The following EYS variants were observed in gnomAD, a reference collection of about 807,000 sequenced individuals.
EYS encodes EGF-like photoreceptor maintenance factor.
Under a neutral mutation model 282.1 loss-of-function variants are expected in EYS, and 250 were observed. That is an observed-to-expected ratio of 0.89 (90% confidence interval 0.80 to 0.98). The LOEUF (loss-of-function observed/expected upper bound fraction) is 0.98, where lower values mean the gene tolerates loss of function less well. Ranked by LOEUF, EYS falls within the 50% of genes least tolerant of loss-of-function variation. The pLI is 0.00. For synonymous variants in EYS, 1,355 were observed against 1,282.9 expected (o/e 1.06, Z -1.20); for missense variants, 4,016 against 3,709.0 (o/e 1.08, Z -2.15).
chr6:64,501,720 G>A (rs528002595), intron 26 of EYS, among the ~76,000 whole-genome samples: 1 of 152,268 alleles, frequency 6.6e-6, no homozygotes, highest in South Asian at 2.1e-4. Context: ...AGTCACTAAT[G>A]AGAAGATTAT....
chr6:64,026,755 G>A (rs1769535566), intron 33 of EYS, among the ~76,000 whole-genome samples: 1 of 152,056 alleles, frequency 6.6e-6, no homozygotes. Context: ...TGCCCAGAAG[G>A]AAATAAGCAA....
At chr6:63,866,263 G>T (rs148098465) in intron 35 of EYS, among the ~76,000 whole-genome samples, 2,433 of 152,288 alleles carry the variant, frequency 0.016, 50 homozygotes, top group South Asian at 0.093. Context: ...GAAACTTAAT[G>T]TTGTTTGGGG....
chr6:64,823,205 T>C (rs571583411), intron 19 of EYS, among the ~76,000 whole-genome samples: 2 of 152,014 alleles, frequency 1.3e-5, no homozygotes, highest in Non-Finnish European at 1.5e-5. Flanking sequence ...AGAATGAGTT[T>C]GAAGTTTTCT....
At chr6:65,534,749 C>T (rs1174057607) in intron 2 of EYS, among the ~76,000 whole-genome samples, 1 of 152,124 alleles carries the variant, frequency 6.6e-6, no homozygotes, top group African/African-American at 2.4e-5. Flanking sequence ...CCCCTTTTTC[C>T]ACCGTAAAGC....
intron 22 of EYS, among the ~76,000 whole-genome samples, chr6:64,766,042 T>G (rs1430219450): frequency 6.6e-6 from 1 of 152,054 alleles, no homozygotes; most frequent in African/African-American, 2.4e-5. Flanking sequence ...AATCCCCCTT[T>G]TTTTTTGTAA....
intron 13 of EYS, among the ~76,000 whole-genome samples, chr6:65,050,712 C>A (rs1239977691): frequency 6.6e-6 from 1 of 151,500 alleles, no homozygotes; most frequent in East Asian, 1.9e-4. Flanking sequence ...TAGCTTGACA[C>A]AAGAATGACT....
intron 30 of EYS, among the ~76,000 whole-genome samples, chr6:64,261,928 A>G (rs2144230): frequency 0.68 from 103,750 of 151,602 alleles, 35,501 homozygotes; most frequent in Non-Finnish European, 0.71. Context: ...GCTAATTTTC[A>G]TATATTTTGT....
intron 33 of EYS, among the ~76,000 whole-genome samples, chr6:64,061,404 G>A (rs931147636): frequency 2.0e-5 from 3 of 152,122 alleles, no homozygotes; most frequent in East Asian, 1.9e-4. Context: ...TTCAAAATTC[G>A]CTGAAATGAA....
intron 12 of EYS, among the ~76,000 whole-genome samples, chr6:65,149,785 C>T (rs1037669422): frequency 1.3e-5 from 2 of 152,124 alleles, no homozygotes; most frequent in Non-Finnish European, 2.9e-5. Flanking sequence ...GCCCCATTAC[C>T]TCAGTACCTA....
At chr6:64,810,353 A>G (rs1311202814) in intron 22 of EYS, among the ~76,000 whole-genome samples, 1 of 151,924 alleles carries the variant, frequency 6.6e-6, no homozygotes, top group Non-Finnish European at 1.5e-5. Flanking sequence ...TTTATAACAT[A>G]TAGCATTCAT....
intron 8 of EYS, among the ~76,000 whole-genome samples, chr6:65,355,006 C>T (rs1307694058): frequency 1.3e-5 from 2 of 152,124 alleles, no homozygotes; most frequent in Admixed American, 1.3e-4. Flanking sequence ...ATGGCATTAA[C>T]CAATCTTCAC....
chr6:65,258,072 C>A lies in EYS; in HGVS notation c.2023+37791G>T, dbSNP rs188968792. Among the ~76,000 whole-genome samples, 241 of 152,026 alleles carry A rather than the reference C, an allele frequency of 1.6e-3. 3 individuals carry two copies. Among genetic ancestry groups the A allele is most frequent in the Non-Finnish European group, 1.8e-3 (123 of 67,940 alleles). On this transcript the variant is annotated intron_variant, in intron 12 of 42. Coordinates refer to ENST00000503581, the MANE Select transcript of EYS (RefSeq NM_001142800.2). ...TCCCTTTACTCTGTTGTGACTATTGCAAATTGTATACCTATGTCAAAACAT... is the reference window on the plus strand; with the variant it reads ...TCCCTTTACTCTGTTGTGACTATTGAAAATTGTATACCTATGTCAAAACAT...
intron 11 of EYS, among the ~76,000 whole-genome samples, chr6:65,321,354 T>G (rs1238508190): frequency 4.0e-5 from 6 of 151,394 alleles, no homozygotes; most frequent in Admixed American, 2.0e-4. Context: ...AGGGAAAAAA[T>G]GTACTTGCTA....
At chr6:63,845,037 T>C (rs1469542495) in intron 36 of EYS, among the ~76,000 whole-genome samples, 1 of 152,180 alleles carries the variant, frequency 6.6e-6, no homozygotes, top group African/African-American at 2.4e-5. Context: ...AATTTTTGTA[T>C]AAGGTGTAAG....
intron 29 of EYS, among the ~76,000 whole-genome samples, chr6:64,335,777 C>A (rs1041747528): frequency 6.6e-6 from 1 of 152,126 alleles, no homozygotes; most frequent in Non-Finnish European, 1.5e-5. Flanking sequence ...CAGCAGATTT[C>A]TCAGCAGAAA....
intron 12 of EYS, among the ~76,000 whole-genome samples, chr6:65,167,705 C>G (rs1441089280): frequency 6.6e-6 from 1 of 151,252 alleles, no homozygotes; most frequent in Non-Finnish European, 1.5e-5. Flanking sequence ...ATTATTATAT[C>G]TCCGAATATT....
chr6:65,688,583 C>G (rs1320868070), intron 1 of EYS, among the ~76,000 whole-genome samples: 1 of 150,066 alleles, frequency 6.7e-6, no homozygotes, highest in Admixed American at 6.7e-5. Flanking sequence ...TCGAAGTAAA[C>G]TAAACCTACA....
intron 29 of EYS, among the ~76,000 whole-genome samples, chr6:64,322,375 G>A (rs1474561752): frequency 6.6e-6 from 1 of 152,014 alleles, no homozygotes. Context: ...GAAATAGACT[G>A]ATAGATTTCT....
chr6:63,937,395 T>TG (rs1765098708), intron 35 of EYS, among the ~76,000 whole-genome samples: 1 of 109,612 alleles, frequency 9.1e-6, no homozygotes, highest in African/African-American at 3.8e-5. Context: ...TTTTTTTTTT[T>TG]TTTGAGACGG....
Sources: allele counts gnomAD v4.1 joint callset (sites outside exome capture counted in the v4.1 genomes callset), GRCh38; gene constraint gnomAD v4.1.1; transcripts MANE v1.5; gene names NCBI Gene and HGNC (gene_info 2026-07-23, HGNC 2026-07-21).